The following ZFAND3 variants were observed in gnomAD, a reference collection of about 807,000 sequenced individuals.
ZFAND3 encodes AN1-type zinc finger protein 3.
A neutral mutation model predicts 29.6 loss-of-function variants in ZFAND3; 10 were observed. The observed-to-expected ratio is 0.34, with a 90% confidence interval of 0.21 to 0.57. The LOEUF is 0.57. ZFAND3 is among the 20% of genes least tolerant of loss of function. ZFAND3 has a pLI of 0.86. For synonymous variants in ZFAND3, 128 were observed against 112.6 expected (o/e 1.14, Z -0.87); for missense variants, 230 against 304.5 (o/e 0.76, Z 1.82).
intron 1 of ZFAND3, among the ~76,000 whole-genome samples, chr6:37,846,718 G>GTT (rs1335936940): frequency 3.1e-5 from 4 of 129,248 alleles, no homozygotes; most frequent in Non-Finnish European, 6.8e-5. Context: ...TTTTTTTTTT[G>GTT]TTTTTTTTTT....
chr6:38,019,218 A>T lies in ZFAND3; in HGVS notation c.113-42375A>T, dbSNP rs539637059. Among the ~76,000 whole-genome samples, 7 of 152,322 alleles carry T rather than the reference A, an allele frequency of 4.6e-5. No individual in the cohort carries two copies. The South Asian group carries it at 1.5e-3, about 32-fold the overall frequency. On this transcript the variant is annotated intron_variant, in intron 2 of 5. Coordinates refer to ENST00000287218, the MANE Select transcript of ZFAND3 (RefSeq NM_021943.3). Reference sequence around the variant, plus strand: ...CGTGATCCACCCACCTCGGCCTCCCAAAGTGCTGGGATTACAGGCATGAGG... The same window carrying T: ...CGTGATCCACCCACCTCGGCCTCCCTAAGTGCTGGGATTACAGGCATGAGG...
chr6:37,878,241 A>G (rs565605098), intron 1 of ZFAND3, among the ~76,000 whole-genome samples: 5 of 152,312 alleles, frequency 3.3e-5, no homozygotes, highest in South Asian at 2.1e-4. Context: ...GCTCACTGCC[A>G]TTACTATCCG....
At chr6:38,086,603 C>G (rs944800476) in intron 4 of ZFAND3, among the ~76,000 whole-genome samples, 2 of 152,204 alleles carry the variant, frequency 1.3e-5, no homozygotes, top group African/African-American at 4.8e-5. Flanking sequence ...TCCTTGGCAA[C>G]AAACTACAAG....
chr6:38,152,402 G>A lies in ZFAND3; in HGVS notation c.*13G>A, dbSNP rs747902245. The A allele has an allele frequency of 1.3e-6, 2 of 1,564,150 alleles. No individual in the cohort carries two copies. The highest frequency in any genetic ancestry group is 1.4e-5 in the African/African-American group (1 of 73,156). On this transcript the variant is annotated 3_prime_UTR_variant, in exon 6 of 6. Transcript: ENST00000287218. ...GGGGTGCTCCTGAAGGCCAGGCATG[G>A]CCACCACGTGACGCTGTTCTTAGTT...
chr6:37,978,768 G>T (rs1175280288), intron 2 of ZFAND3, among the ~76,000 whole-genome samples: 2 of 152,154 alleles, frequency 1.3e-5, no homozygotes, highest in Admixed American at 1.3e-4. Context: ...GGGTTCAAGT[G>T]ATTCTCATGC....
At chr6:37,832,883 T>A (rs1356729528) in intron 1 of ZFAND3, 1 of 152,190 alleles carries the variant, frequency 6.6e-6, no homozygotes, top group Non-Finnish European at 1.5e-5. Context: ...GATGGGGGTC[T>A]GTCTCTGTTT....
At chr6:37,842,035 T>C (rs1188395763) in intron 1 of ZFAND3, among the ~76,000 whole-genome samples, 1 of 152,198 alleles carries the variant, frequency 6.6e-6, no homozygotes, top group African/African-American at 2.4e-5. Context: ...TGTGTCCTTA[T>C]GTGGCGGAAG....
At chr6:38,036,833 C>G (rs1763667492) in intron 2 of ZFAND3, among the ~76,000 whole-genome samples, 2 of 152,098 alleles carry the variant, frequency 1.3e-5, no homozygotes, top group South Asian at 4.1e-4. Context: ...AGGCTGGTCT[C>G]AAACCCCTGG....
chr6:37,986,425 T>C (rs1271667418), intron 2 of ZFAND3, among the ~76,000 whole-genome samples: 1 of 152,210 alleles, frequency 6.6e-6, no homozygotes, highest in South Asian at 2.1e-4. Flanking sequence ...TTGCATGTTA[T>C]AGGCACCAGA....
At position 38,153,601 on chromosome 6, in the gene ZFAND3, C is replaced by A. The variant is rs1285521477; in HGVS notation, c.*1212C>A. Reference sequence around the variant, plus strand: ...TCTGGTAGGTGAGGGCCTGAGGGTACATTTCTCCACCTGTGCCCCCTCATG... The same window carrying A: ...TCTGGTAGGTGAGGGCCTGAGGGTAAATTTCTCCACCTGTGCCCCCTCATG... On this transcript the variant is annotated 3_prime_UTR_variant, in exon 6 of 6. Transcript: ENST00000287218. 1.0e-6 allele frequency: 1 copy of A among 985,358 alleles called. No homozygotes were observed. The highest frequency in any genetic ancestry group is 1.2e-6 in the Non-Finnish European group (1 of 830,008). 61.0% of individuals were successfully genotyped at this position (985,358 alleles called of 1,614,324 possible).
intron 1 of ZFAND3, among the ~76,000 whole-genome samples, chr6:37,875,123 C>G (rs1764768310): frequency 2.6e-5 from 4 of 152,016 alleles, no homozygotes; most frequent in Admixed American, 2.6e-4. Flanking sequence ...TACTGATGTA[C>G]CTGAGTATAG....
At chr6:37,884,211 T>G (rs184903177) in intron 1 of ZFAND3, among the ~76,000 whole-genome samples, 1 of 145,232 alleles carries the variant, frequency 6.9e-6, no homozygotes, top group Non-Finnish European at 1.5e-5. Flanking sequence ...TTACGTCAGG[T>G]GGCTGGATGC....
chr6:38,065,161 C>G (rs139317115), intron 3 of ZFAND3, among the ~76,000 whole-genome samples: 1 of 151,948 alleles, frequency 6.6e-6, no homozygotes, highest in Non-Finnish European at 1.5e-5. Context: ...TACAAAAATA[C>G]AAAAATTAGC....
At chr6:37,865,937 T>G (rs1764581876) in intron 1 of ZFAND3, among the ~76,000 whole-genome samples, 1 of 152,200 alleles carries the variant, frequency 6.6e-6, no homozygotes, top group South Asian at 2.1e-4. Context: ...CTGCTTTACT[T>G]AATTTCTGGT....
At chr6:37,970,443 C>T (rs1184569785) in intron 2 of ZFAND3, among the ~76,000 whole-genome samples, 1 of 152,114 alleles carries the variant, frequency 6.6e-6, no homozygotes, top group Non-Finnish European at 1.5e-5. Flanking sequence ...CAGAGGAGCC[C>T]ATTCTAGGGA....
intron 2 of ZFAND3, among the ~76,000 whole-genome samples, chr6:37,946,478 A>G (rs1433774195): frequency 2.0e-5 from 3 of 152,212 alleles, no homozygotes; most frequent in African/African-American, 7.2e-5. Flanking sequence ...TCAAAACACA[A>G]AATTACAATT....
At chr6:37,849,957 C>T (rs934162618) in intron 1 of ZFAND3, among the ~76,000 whole-genome samples, 1 of 152,156 alleles carries the variant, frequency 6.6e-6, no homozygotes, top group African/African-American at 2.4e-5. Flanking sequence ...CTCTGTGCTT[C>T]CTTCTGTCTA....
intron 2 of ZFAND3, among the ~76,000 whole-genome samples, chr6:37,993,671 C>T (rs551349469): frequency 6.6e-6 from 1 of 152,104 alleles, no homozygotes; most frequent in Non-Finnish European, 1.5e-5. Flanking sequence ...TTATTGATAA[C>T]ATGAACTGCT....
intron 5 of ZFAND3, among the ~76,000 whole-genome samples, chr6:38,117,532 C>T (rs558764053): frequency 7.9e-5 from 12 of 152,260 alleles, no homozygotes; most frequent in African/African-American, 2.2e-4. Context: ...TTATTTTAGG[C>T]TGATTTACAG....
Sources: allele counts gnomAD v4.1 joint callset (sites outside exome capture counted in the v4.1 genomes callset), GRCh38; gene constraint gnomAD v4.1.1; transcripts MANE v1.5; gene names NCBI Gene and HGNC (gene_info 2026-07-23, HGNC 2026-07-21).